Variants in IRF4 observed in about 807,000 individuals in gnomAD.
IRF4 encodes interferon regulatory factor 4, also known as lymphocyte-specific interferon regulatory factor.
A neutral mutation model predicts 55.5 loss-of-function variants in IRF4; 13 were observed. The ratio of observed to expected loss-of-function variants is 0.23; its 90% CI spans 0.15 to 0.37. The LOEUF (loss-of-function observed/expected upper bound fraction) is 0.37, where lower values mean the gene tolerates loss of function less well. IRF4 is among the 10% of genes least tolerant of loss of function. The pLI, the probability that IRF4 is intolerant of heterozygous loss-of-function variation, is 1.00. For missense variants in IRF4, 397 were observed against 593.8 expected (o/e 0.67, Z 3.44); for synonymous variants, 249 against 240.7 (o/e 1.03, Z -0.32).
rs1761668283 is a variant in IRF4, at chr6:410,406, T to C, written c.*2808T>C. Reference sequence around the variant, plus strand: ...TCCTGAGCGAAAACAGGAGAGTTAGTCGCCCTACAGAAAACCCAGCTAGAC... The same window carrying C: ...TCCTGAGCGAAAACAGGAGAGTTAGCCGCCCTACAGAAAACCCAGCTAGAC... On this transcript the variant is annotated 3_prime_UTR_variant, in exon 9 of 9. Transcript: ENST00000380956. The C allele has an allele frequency of 4.4e-6, 1 of 229,558 alleles. No homozygotes were observed. The highest frequency in any genetic ancestry group is 5.7e-5 in the Admixed American group (1 of 17,650). 14.2% of individuals were successfully genotyped at this position (229,558 alleles called of 1,614,324 possible).
chr6:399,032 T>TG (rs1761337618), intron 6 of IRF4, 97 bp downstream of exon 6: 1 of 745,980 alleles, frequency 1.3e-6, no homozygotes, highest in Non-Finnish European at 2.2e-6. Flanking sequence ...TTTAGACACT[T>TG]GCTTTGCTCC....
At chr6:404,438 A>G (rs1236679288) in intron 7 of IRF4, among the ~76,000 whole-genome samples, 1 of 152,218 alleles carries the variant, frequency 6.6e-6, no homozygotes, top group Non-Finnish European at 1.5e-5. Flanking sequence ...AGAGTTACAC[A>G]GTTCAGGCAT....
At chr6:394,799 T>C in intron 2 of IRF4, 22 bp from the exon 3 acceptor site, 1 of 1,601,254 alleles carries the variant, frequency 6.2e-7, no homozygotes. Context: ...GACTTTTCGT[T>C]CTCTTCATTC....
At chr6:399,458 TG>T (rs1484372800) in intron 6 of IRF4, among the ~76,000 whole-genome samples, 1 of 149,924 alleles carries the variant, frequency 6.7e-6, no homozygotes, top group Non-Finnish European at 1.5e-5. Flanking sequence ...TAATATAGCT[TG>T]CAAACAAATA....
At chr6:395,037 A>T in intron 3 of IRF4, 30 bp downstream of exon 3, 3 of 1,539,414 alleles carry the variant, frequency 1.9e-6, no homozygotes, top group Non-Finnish European at 2.6e-6. Flanking sequence ...TGGGTCACCT[A>T]ACAGAGGCAG....
chr6:401,207 CT>C (rs1394211371), intron 6 of IRF4, among the ~76,000 whole-genome samples: 1 of 152,190 alleles, frequency 6.6e-6, no homozygotes, highest in Non-Finnish European at 1.5e-5. Context: ...CACGGGACTT[CT>C]CCAAGTGTTG....
chr6:401,366 T>C, intron 6 of IRF4, 58 bp from the exon 7 acceptor site: 6 of 1,333,616 alleles, frequency 4.5e-6, no homozygotes, highest in Non-Finnish European at 4.2e-6. Flanking sequence ...GTGGAGTCGT[T>C]GGCCTCGAGG....
At chr6:398,761 C>G (rs1168076901) in intron 5 of IRF4, 67 bp from the exon 6 acceptor site, 6 of 1,167,806 alleles carry the variant, frequency 5.1e-6, no homozygotes, top group East Asian at 4.9e-5. Flanking sequence ...CACACACACC[C>G]CAGGAAGCCC....
chr6:401,165 G>C (rs1367905790), intron 6 of IRF4, among the ~76,000 whole-genome samples: 2 of 152,146 alleles, frequency 1.3e-5, no homozygotes, highest in African/African-American at 2.4e-5. Flanking sequence ...TTTGTAATAT[G>C]CTGGTTTAGA....
intron 7 of IRF4, 129 bp from the exon 8 acceptor site, chr6:404,889 C>T: frequency 1.6e-6 from 1 of 622,612 alleles, no homozygotes; most frequent in Non-Finnish European, 2.9e-6. Context: ...GAGCCCCACT[C>T]AGCGGAGTAA....
rs933795369 is a variant in IRF4, at chr6:393,545, C to G, written c.216+177C>G. Among the ~76,000 whole-genome samples the G allele has an allele frequency of 1.6e-4, 24 of 151,976 alleles. 1 individual carries two copies. Among genetic ancestry groups the G allele is most frequent in the Non-Finnish European group, 4.4e-5 (3 of 67,952 alleles). On this transcript the variant is annotated intron_variant, in intron 2 of 8. Coordinates refer to ENST00000380956, the MANE Select transcript of IRF4 (RefSeq NM_002460.4). The surrounding 1 kb of genome is among the most constrained non-coding windows in gnomAD (Gnocchi z 5.4). ...AGGAGGAGGAAAGGAGGCCTCGGCT[C>G]TCAGCGGGACCGCGGGGGCCGGGAG...
chr6:392,941 G>T (rs532604265), intron 1 of IRF4, among the ~76,000 whole-genome samples, 157 bp from the exon 2 acceptor site: 13 of 152,246 alleles, frequency 8.5e-5, no homozygotes, highest in Non-Finnish European at 1.6e-4. Flanking sequence ...GGCCGCGAAG[G>T]TGCCTTCTTC....
Position 392,934 on chromosome 6 carries a change from C to T in IRF4, c.-55-164C>T, listed in dbSNP as rs560406682. On this transcript the variant is annotated intron_variant, in intron 1 of 8. Transcript: ENST00000380956. ...GCCCAGGGGATGCGCCCGGGCCGGC[C>T]GCGAAGGTGCCTTCTTCCGGGGGCC... Among the ~76,000 whole-genome samples the T allele has an allele frequency of 3.9e-5, 6 of 152,126 alleles. 1 individual carries two copies. The South Asian group carries it at 1.2e-3, about 32-fold the overall frequency.
At chr6:397,734 A>G (rs1010931482) in intron 5 of IRF4, among the ~76,000 whole-genome samples, 4 of 152,250 alleles carry the variant, frequency 2.6e-5, no homozygotes, top group Non-Finnish European at 4.4e-5. Flanking sequence ...ACTGGGTCCC[A>G]GAAAGACTTG....
In IRF4 at chr6:410,842, A is replaced by G. The variant is rs1037067026; in HGVS notation, c.*3244A>G. 5.6e-5 allele frequency: 13 copies of G among 232,538 alleles called. No individual in the cohort carries two copies. The highest frequency in any genetic ancestry group is 1.1e-4 in the Non-Finnish European group (13 of 117,566). The allele number at this position is 232,538 out of a possible 1,614,324, so 14.4% of individuals were successfully genotyped here. A position where few individuals can be genotyped will look rare whatever the true frequency, so the allele number is the denominator to read the frequency against. On this transcript the variant is annotated 3_prime_UTR_variant, in exon 9 of 9. Transcript: ENST00000380956. ...GTATCTCCCCAAGTCCTCTGTGGCCAGCTGCATCTGTCTGAATGGTGCGTG... is the reference window on the plus strand; with the variant it reads ...GTATCTCCCCAAGTCCTCTGTGGCCGGCTGCATCTGTCTGAATGGTGCGTG...
Position 393,401 on chromosome 6 carries a change from CG to C in IRF4, c.216+37del, listed in dbSNP as rs1561709980. The C allele has an allele frequency of 3.6e-6, 3 of 836,844 alleles. No homozygotes were observed. Among genetic ancestry groups the C allele is most frequent in the Non-Finnish European group, 3.5e-6 (2 of 569,878 alleles). 51.8% of individuals were successfully genotyped at this position (836,844 alleles called of 1,614,324 possible). Reference sequence around the variant, plus strand: ...GCCTCGGGAGCCGGCGGGGGCGCGCCGGGGAGGGCCCAGAGACAGAGCCCGG... The same window carrying C: ...GCCTCGGGAGCCGGCGGGGGCGCGCCGGGAGGGCCCAGAGACAGAGCCCGG... On this transcript the variant is annotated intron_variant, in intron 2 of 8. Transcript: ENST00000380956. The surrounding 1 kb of genome is among the most constrained non-coding windows in gnomAD (Gnocchi z 5.4).
Position 394,971 on chromosome 6 carries a change from A to G in IRF4, c.367A>G (p.Lys123Glu). ...CCAGCTGGACATCTCAGACCCGTAC[A>G]AAGTGTACAGGATTGTTCCTGAGGG... ...RSQLDISDPY[K>E]VYRIVPEGAK... The change falls in exon 3 of 9, where the codon AAA (lysine) becomes GAA (glutamate). Residue 123 changes from lysine (K) to glutamate (E), a missense_variant. Transcript: ENST00000380956. 6.2e-7 allele frequency: 1 copy of G among 1,613,990 alleles called. No individual in the cohort carries two copies. Among genetic ancestry groups the G allele is most frequent in the Non-Finnish European group, 8.5e-7 (1 of 1,179,930 alleles).
chr6:410,240 A>C lies in IRF4; in HGVS notation c.*2642A>C, dbSNP rs185750178. 3.5e-5 allele frequency: 8 copies of C among 229,026 alleles called. No individual in the cohort carries two copies. The highest frequency in any genetic ancestry group is 2.8e-4 in the Admixed American group (5 of 17,654). The allele number at this position is 229,026 out of a possible 1,614,324, so 14.2% of individuals were successfully genotyped here. Reference sequence around the variant, plus strand: ...TATGGAAAAAATGTATGTGTCTCCCAGGTGCATTTCTTGGTTTATGTCTTG... The same window carrying C: ...TATGGAAAAAATGTATGTGTCTCCCCGGTGCATTTCTTGGTTTATGTCTTG... On this transcript the variant is annotated 3_prime_UTR_variant, in exon 9 of 9. Coordinates refer to ENST00000380956, the MANE Select transcript of IRF4 (RefSeq NM_002460.4).
Position 393,871 on chromosome 6 carries a change from C to T in IRF4, c.216+503C>T, listed in dbSNP as rs1402737195. Among the ~76,000 whole-genome samples, 1 of 152,196 alleles carries T rather than the reference C, an allele frequency of 6.6e-6. No individual in the cohort carries two copies. The highest frequency in any genetic ancestry group is 1.9e-4 in the East Asian group (1 of 5,190). On this transcript the variant is annotated intron_variant, in intron 2 of 8. Transcript: ENST00000380956. This position sits in a 1 kb window ranked among gnomAD's most constrained non-coding sequence, Gnocchi z 5.4. The stretch of plus-strand genomic sequence containing the variant: ...TCTCCATGTTTTTCCTGAGGTCAGC[C>T]TCTCTTCTCGCTCCTGCTAGCTCTC...
Sources: gnomAD v4.1 joint callset for allele counts (sites outside exome capture counted in the v4.1 genomes callset) on GRCh38, gnomAD v4.1.1 for gene constraint, Gnocchi (gnomAD v3.1) non-coding constraint, MANE v1.5 for transcripts, NCBI Gene and HGNC (gene_info 2026-07-23, HGNC 2026-07-21) for gene names.